NAALADL2: variants seen among roughly 807,000 people sequenced by gnomAD.
NAALADL2 encodes the protein inactive N-acetylated-alpha-linked acidic dipeptidase-like protein 2.
In NAALADL2, 76 loss-of-function variants were observed where a neutral mutation model predicts 87.2. The ratio of observed to expected loss-of-function variants is 0.87; its 90% CI spans 0.72 to 1.05. The LOEUF (loss-of-function observed/expected upper bound fraction) is 1.05. NAALADL2 is among the 50% of genes least tolerant of loss of function. NAALADL2 has a pLI of 0.00. For synonymous variants in NAALADL2, 354 were observed against 331.0 expected (o/e 1.07, Z -0.75); for missense variants, 1,089 against 945.8 (o/e 1.15, Z -1.99).
At chr3:175,496,085 G>A (rs376735162) in intron 9 of NAALADL2, among the ~76,000 whole-genome samples, 3 of 152,216 alleles carry the variant, frequency 2.0e-5, no homozygotes, top group East Asian at 3.9e-4. Context: ...ATACTTGGAA[G>A]CCTGTGTCAC....
intron 1 of NAALADL2, among the ~76,000 whole-genome samples, chr3:174,970,444 A>C (rs1031832278): frequency 2.0e-5 from 3 of 152,174 alleles, no homozygotes; most frequent in Admixed American, 6.5e-5. Context: ...CAGTTGCTTT[A>C]GGTTGTTAAT....
intron 1 of NAALADL2, among the ~76,000 whole-genome samples, chr3:174,888,932 T>C (rs1455360594): frequency 6.6e-6 from 1 of 152,198 alleles, no homozygotes; most frequent in Non-Finnish European, 1.5e-5. Flanking sequence ...TTGATTCTCT[T>C]TGTTCAGATT....
At chr3:174,895,043 A>C (rs912652616) in intron 1 of NAALADL2, among the ~76,000 whole-genome samples, 2 of 152,192 alleles carry the variant, frequency 1.3e-5, no homozygotes, top group Non-Finnish European at 2.9e-5. Flanking sequence ...ACACAGAGAT[A>C]AGCTTATAGC....
intron 12 of NAALADL2, among the ~76,000 whole-genome samples, chr3:175,740,017 T>G (rs1320706552): frequency 6.6e-6 from 1 of 151,896 alleles, no homozygotes; most frequent in Non-Finnish European, 1.5e-5. Context: ...TACTAGGGGA[T>G]TACATGTAGA....
chr3:175,186,848 T>C (rs546493233), intron 2 of NAALADL2, among the ~76,000 whole-genome samples: 327 of 152,238 alleles, frequency 2.1e-3, no homozygotes, highest in African/African-American at 7.7e-3. Context: ...ACATCTCAAA[T>C]TTGCCTTTCT....
intron 9 of NAALADL2, among the ~76,000 whole-genome samples, chr3:175,533,682 G>A (rs1734404990): frequency 6.6e-6 from 1 of 152,164 alleles, no homozygotes; most frequent in African/African-American, 2.4e-5. Flanking sequence ...CTTTAACAGT[G>A]AACACCTGGC....
chr3:174,748,062 C>G (rs1374155500), intron 3 of NAALADL2, among the ~76,000 whole-genome samples: 1 of 152,002 alleles, frequency 6.6e-6, no homozygotes, highest in Non-Finnish European at 1.5e-5. Context: ...AACACAGGAA[C>G]AGAAAACCAA....
chr3:174,557,226 A>G (rs1041614799), intron 2 of NAALADL2, among the ~76,000 whole-genome samples: 1 of 152,236 alleles, frequency 6.6e-6, no homozygotes, highest in Non-Finnish European at 1.5e-5. Context: ...TTTCTTAATC[A>G]TTGACCTACA....
At chr3:175,311,447 G>T (rs1032856416) in intron 4 of NAALADL2, among the ~76,000 whole-genome samples, 2 of 152,022 alleles carry the variant, frequency 1.3e-5, no homozygotes, top group African/African-American at 4.8e-5. Flanking sequence ...TAACTGTGTG[G>T]TCTTGATCTT....
At chr3:175,185,058 G>A (rs945293258) in intron 2 of NAALADL2, among the ~76,000 whole-genome samples, 1 of 152,134 alleles carries the variant, frequency 6.6e-6, no homozygotes, top group South Asian at 2.1e-4. Flanking sequence ...CTTGACTCTG[G>A]GGAGTGATGT....
chr3:175,660,980 T>C (rs1732167828), intron 11 of NAALADL2, among the ~76,000 whole-genome samples: 1 of 152,074 alleles, frequency 6.6e-6, no homozygotes, highest in Non-Finnish European at 1.5e-5. Context: ...TATCCTTTGA[T>C]ATACTGATTT....
intron 5 of NAALADL2, among the ~76,000 whole-genome samples, chr3:175,411,352 A>G (rs1713474842): frequency 6.6e-6 from 1 of 152,130 alleles, no homozygotes; most frequent in Admixed American, 6.6e-5. Context: ...AAAATTCAGG[A>G]AGAGGGATTA....
In NAALADL2 at chr3:175,013,293, A is replaced by AT. The variant is rs1317049254; in HGVS notation, c.44-83496dup. ...TATATATATACATATATATATATAT[A>AT]TATATATATTTTTTTTTTTTTTTGA... On this transcript the variant is annotated intron_variant, in intron 1 of 13. Transcript: ENST00000454872. Among the ~76,000 whole-genome samples, 57 of 79,752 alleles carry AT rather than the reference A, an allele frequency of 7.1e-4. 1 individual carries two copies. The highest frequency in any genetic ancestry group is 2.7e-3 in the African/African-American group (33 of 12,082). 52.3% of individuals were successfully genotyped at this position (79,752 alleles called of 152,430 possible).
At chr3:175,773,039 A>G (rs1749722013) in intron 13 of NAALADL2, 1 of 152,164 alleles carries the variant, frequency 6.6e-6, no homozygotes, top group Non-Finnish European at 1.5e-5. Flanking sequence ...TATCCTGGTT[A>G]ACAGGTAGAT....
At chr3:175,218,236 G>T in intron 2 of NAALADL2, 1 of 306,042 alleles carries the variant, frequency 3.3e-6, no homozygotes, top group South Asian at 2.8e-5. Context: ...ATTAGTCAAA[G>T]GATACTTATT....
chr3:174,762,202 C>A (rs917960657), intron 3 of NAALADL2, among the ~76,000 whole-genome samples: 5 of 149,762 alleles, frequency 3.3e-5, no homozygotes, highest in African/African-American at 1.2e-4. Flanking sequence ...CTCTGTCACC[C>A]AGGCTGGAGT....
Position 175,013,287 on chromosome 3 carries a change from ATATATATATATATAT to A in NAALADL2, c.44-83501_44-83487del, listed in dbSNP as rs1365764246. ...TATTTTTATATATATACATATATAT[ATATATATATATATAT>A]TTTTTTTTTTTTTTGAGACAGGGTC... is the stretch of plus-strand genomic sequence containing the variant. On this transcript the variant is annotated intron_variant, in intron 1 of 13. Coordinates refer to ENST00000454872, the MANE Select transcript of NAALADL2 (RefSeq NM_207015.3). Among the ~76,000 whole-genome samples the A allele has an allele frequency of 9.2e-3, 794 of 86,346 alleles. 42 individuals carry two copies. Among genetic ancestry groups the A allele is most frequent in the African/African-American group, 0.048 (765 of 16,002 alleles). 56.6% of individuals were successfully genotyped at this position (86,346 alleles called of 152,430 possible).
chr3:174,763,586 C>CAAAAAAAAAAAAAAAAAAA lies in NAALADL2; in HGVS notation c.-9+25855_-9+25856insAAAAAAAAAAAAAAAAAAA, dbSNP rs1163373340. ...TGGGCTACAGAGCGAGACTCCATCTCAAAAAAAAAAAAAAAGACTAAAATG... is the reference window on the plus strand; with the variant it reads ...TGGGCTACAGAGCGAGACTCCATCTCAAAAAAAAAAAAAAAAAAAAAAAAAAAAAAAAAAGACTAAAATG... On this transcript the variant is annotated intron_variant, in intron 3 of 3. Transcript: ENST00000434257. Among the ~76,000 whole-genome samples the CAAAAAAAAAAAAAAAAAAA allele has an allele frequency of 5.2e-4, 25 of 48,350 alleles. 2 individuals carry two copies. Among genetic ancestry groups the CAAAAAAAAAAAAAAAAAAA allele is most frequent in the African/African-American group, 1.9e-3 (19 of 10,130 alleles). The allele number at this position is 48,350 out of a possible 152,430, so 31.7% of individuals were successfully genotyped here.
intron 1 of NAALADL2, among the ~76,000 whole-genome samples, chr3:174,998,553 C>A (rs1187456805): frequency 2.0e-5 from 3 of 152,122 alleles, no homozygotes; most frequent in Admixed American, 2.0e-4. Flanking sequence ...GTCAATAGAA[C>A]CTTAATCATA....
Sources: allele counts gnomAD v4.1 joint callset (sites outside exome capture counted in the v4.1 genomes callset), GRCh38; gene constraint gnomAD v4.1.1; transcripts MANE v1.5; gene names NCBI Gene and HGNC (gene_info 2026-07-23, HGNC 2026-07-21).